The following CREB5 variants were observed in gnomAD, a reference collection of about 807,000 sequenced individuals.
CREB5 encodes the protein cAMP responsive element binding protein 5.
Under a neutral mutation model 57.1 loss-of-function variants are expected in CREB5, and 19 were observed. That is an observed-to-expected ratio of 0.33 (90% CI 0.23 to 0.49). The LOEUF is 0.49. Ranked by LOEUF, CREB5 falls within the 20% of genes least tolerant of loss-of-function variation. The pLI is 0.99. For missense variants in CREB5, 579 were observed against 671.6 expected, an observed-to-expected ratio of 0.86 and a Z score of 1.52; for synonymous variants, 238 against 238.3, an observed-to-expected ratio of 1.00 and a Z score of 0.01.
intron 1 of CREB5, among the ~76,000 whole-genome samples, chr7:28,376,798 G>A (rs10239810): frequency 0.45 from 68,557 of 151,998 alleles, 17,452 homozygotes; most frequent in East Asian, 0.71. Flanking sequence ...AGCTTGGGCT[G>A]GGCTCCACAA....
chr7:28,658,990 A>ATATATATGTGTGT (rs1562554757), intron 5 of CREB5, among the ~76,000 whole-genome samples: 1 of 65,196 alleles, frequency 1.5e-5, no homozygotes, highest in African/African-American at 5.2e-5. Context: ...TGTATATATA[A>ATATATATGTGTGT]GTCATAATTT....
intron 5 of CREB5, among the ~76,000 whole-genome samples, chr7:28,645,779 T>A (rs1367629483): frequency 6.6e-6 from 1 of 152,228 alleles, no homozygotes; most frequent in African/African-American, 2.4e-5. Context: ...GATGCCCAGA[T>A]AGCTGATAAA....
rs1404846680 is a variant in CREB5, at chr7:28,665,916, T to C, written c.465-52837T>C. Among the ~76,000 whole-genome samples, 4 of 152,034 alleles carry C rather than the reference T, an allele frequency of 2.6e-5. No homozygotes were observed. In the East Asian group the frequency reaches 7.7e-4, roughly 29 times the overall value. ...CTAAAGCACAAGGAAGAACAAAGAG[T>C]GCTGCCGACACCCTTAAAAATATCC... is the stretch of plus-strand genomic sequence containing the variant. On this transcript the variant is annotated intron_variant, in intron 5 of 10. Transcript: ENST00000357727.
At chr7:28,542,102 T>C (rs991847097) in intron 4 of CREB5, among the ~76,000 whole-genome samples, 1 of 152,228 alleles carries the variant, frequency 6.6e-6, no homozygotes, top group East Asian at 1.9e-4. Flanking sequence ...AGGGCTTACT[T>C]TGTACCTGGA....
chr7:28,669,496 T>G (rs1364952740), intron 5 of CREB5, among the ~76,000 whole-genome samples: 1 of 152,198 alleles, frequency 6.6e-6, no homozygotes, highest in Non-Finnish European at 1.5e-5. Context: ...TTCTGGTAAA[T>G]GTACCGGGGT....
At chr7:28,578,704 T>C (rs889060809) in intron 5 of CREB5, among the ~76,000 whole-genome samples, 1 of 152,234 alleles carries the variant, frequency 6.6e-6, no homozygotes, top group Admixed American at 6.5e-5. Flanking sequence ...AGATAGCCTA[T>C]GATGCCCTTT....
chr7:28,814,311 CTT>C (rs888987028), intron 9 of CREB5, among the ~76,000 whole-genome samples: 2 of 152,246 alleles, frequency 1.3e-5, no homozygotes, highest in Non-Finnish European at 2.9e-5. Context: ...ATTCATTCTT[CTT>C]TCTCTAGGAT....
chr7:28,718,468 G>A (rs1802824954), intron 5 of CREB5, among the ~76,000 whole-genome samples: 1 of 152,210 alleles, frequency 6.6e-6, no homozygotes, highest in Admixed American at 6.5e-5. Flanking sequence ...TTCCTAAGAT[G>A]CGAGCGTTTA....
intron 1 of CREB5, among the ~76,000 whole-genome samples, chr7:28,372,010 G>T (rs915069623): frequency 1.3e-5 from 2 of 152,128 alleles, no homozygotes; most frequent in Admixed American, 6.5e-5. Context: ...TTTTGAGTGT[G>T]CCAGGCTCTG....
At chr7:28,307,598 C>T (rs1785212338) in intron 1 of CREB5, among the ~76,000 whole-genome samples, 1 of 152,238 alleles carries the variant, frequency 6.6e-6, no homozygotes. Flanking sequence ...TGCCATCTGG[C>T]AAAGCTCCAG....
chr7:28,468,471 A>G (rs1204951814), intron 1 of CREB5, among the ~76,000 whole-genome samples: 4 of 152,244 alleles, frequency 2.6e-5, no homozygotes, highest in Non-Finnish European at 4.4e-5. Flanking sequence ...GGAACGTGGC[A>G]TCTTACCTGC....
intron 7 of CREB5, among the ~76,000 whole-genome samples, chr7:28,754,471 G>A (rs778350901): frequency 1.0e-3 from 158 of 152,140 alleles, no homozygotes; most frequent in African/African-American, 1.8e-3. Context: ...GGTACCTTCC[G>A]TTTCCTACTG....
chr7:28,696,949 TATGTGTTATACAC>T (rs1801606720), intron 5 of CREB5, among the ~76,000 whole-genome samples: 1 of 151,898 alleles, frequency 6.6e-6, no homozygotes, highest in Non-Finnish European at 1.5e-5. Flanking sequence ...TATGTGTGTA[TATGTGTTATACAC>T]ACATATATAT....
intron 1 of CREB5, among the ~76,000 whole-genome samples, chr7:28,358,878 T>G (rs2127991769): frequency 6.6e-6 from 1 of 152,280 alleles, no homozygotes; most frequent in Middle Eastern, 3.4e-3. Context: ...AGGTGCAAAG[T>G]GACTTGGTAT....
intron 7 of CREB5, among the ~76,000 whole-genome samples, chr7:28,779,870 T>A (rs1806871097): frequency 6.6e-6 from 1 of 152,196 alleles, no homozygotes; most frequent in Non-Finnish European, 1.5e-5. Context: ...ACTTTCTTTC[T>A]CTTTCACTGA....
intron 4 of CREB5, among the ~76,000 whole-genome samples, chr7:28,568,606 T>G (rs1795573557): frequency 6.6e-6 from 1 of 152,232 alleles, no homozygotes; most frequent in South Asian, 2.1e-4. Flanking sequence ...CATAGTGTTT[T>G]CCCACATCAG....
chr7:28,600,399 C>A (rs1796871401), intron 5 of CREB5, among the ~76,000 whole-genome samples: 1 of 152,012 alleles, frequency 6.6e-6, no homozygotes. Context: ...ACCTGATGAG[C>A]AATTCTTACA....
intron 5 of CREB5, among the ~76,000 whole-genome samples, chr7:28,705,490 T>C (rs919148186): frequency 6.6e-6 from 1 of 152,128 alleles, no homozygotes; most frequent in Non-Finnish European, 1.5e-5. Flanking sequence ...TCTTTAAGTG[T>C]ACTGTCAGTC....
At chr7:28,680,768 C>CAAAA (rs539406574) in intron 5 of CREB5, among the ~76,000 whole-genome samples, 1 of 134,168 alleles carries the variant, frequency 7.5e-6, no homozygotes, top group Non-Finnish European at 1.6e-5. Context: ...CAACCTATCT[C>CAAAA]AAAAAAAAAA....
Sources: gnomAD v4.1 joint callset for allele counts (sites outside exome capture counted in the v4.1 genomes callset) on GRCh38, gnomAD v4.1.1 for gene constraint, MANE v1.5 for transcripts, NCBI Gene and HGNC (gene_info 2026-07-23, HGNC 2026-07-21) for gene names.